The following SRGAP3 variants were observed in gnomAD, a reference collection of about 807,000 sequenced individuals.
SRGAP3 encodes SLIT-ROBO Rho GTPase activating protein 3.
SRGAP3 carries 39 observed loss-of-function variants against 121.1 expected under a neutral mutation model. The observed-to-expected ratio is 0.32, with a 90% CI of 0.25 to 0.42. The LOEUF (loss-of-function observed/expected upper bound fraction) is 0.42, where lower values mean the gene tolerates loss of function less well. SRGAP3 is among the 10% of genes least tolerant of loss of function. SRGAP3 has a pLI of 1.00. For missense variants in SRGAP3, 1,213 were observed against 1,470.6 expected, an observed-to-expected ratio of 0.82 and a Z score of 2.86; for synonymous variants, 601 against 570.0, an observed-to-expected ratio of 1.05 and a Z score of -0.77.
chr3:9,050,622 T>A (rs1945519393), intron 9 of SRGAP3, among the ~76,000 whole-genome samples: 1 of 152,238 alleles, frequency 6.6e-6, no homozygotes, highest in African/African-American at 2.4e-5. Context: ...AACTATAACA[T>A]CTGATGACCA....
chr3:9,173,125 C>T (rs1951048443), intron 1 of SRGAP3, among the ~76,000 whole-genome samples: 1 of 152,176 alleles, frequency 6.6e-6, no homozygotes, highest in South Asian at 2.1e-4. Context: ...GGTATGGCCA[C>T]ATCTGGCCCA....
chr3:9,335,265 G>A (rs1337034165), intron 1 of SRGAP3, among the ~76,000 whole-genome samples: 1 of 152,208 alleles, frequency 6.6e-6, no homozygotes, highest in African/African-American at 2.4e-5. Context: ...TTGCCATGTA[G>A]GAAATTGGGC....
At chr3:9,096,944 T>C (rs1046337341) in intron 3 of SRGAP3, among the ~76,000 whole-genome samples, 1 of 44,734 alleles carries the variant, frequency 2.2e-5, no homozygotes, top group African/African-American at 1.1e-4. Flanking sequence ...TTTGTATATA[T>C]ATATATATAT....
intron 3 of SRGAP3, among the ~76,000 whole-genome samples, chr3:9,289,177 G>T (rs1162184758): frequency 6.6e-6 from 1 of 152,230 alleles, no homozygotes; most frequent in Non-Finnish European, 1.5e-5. Context: ...GGGATTACAG[G>T]CGTGAGCCAG....
intron 18 of SRGAP3, among the ~76,000 whole-genome samples, chr3:9,006,523 A>C (rs986218223): frequency 7.2e-5 from 11 of 152,152 alleles, no homozygotes; most frequent in African/African-American, 2.4e-4. Flanking sequence ...AACGACATGG[A>C]TGAATCTCAG....
At chr3:9,171,986 T>C (rs1378647224) in intron 1 of SRGAP3, among the ~76,000 whole-genome samples, 3 of 152,112 alleles carry the variant, frequency 2.0e-5, no homozygotes, top group Non-Finnish European at 4.4e-5. Context: ...TATCTCTGGA[T>C]TCATGCTCCC....
At chr3:9,048,934 C>A (rs1485169607) in intron 9 of SRGAP3, among the ~76,000 whole-genome samples, 1 of 152,142 alleles carries the variant, frequency 6.6e-6, no homozygotes, top group African/African-American at 2.4e-5. Flanking sequence ...AGAAAGGGGG[C>A]CACATGGGGA....
chr3:9,294,538 C>A (rs1200201821), intron 3 of SRGAP3, among the ~76,000 whole-genome samples: 2 of 84,102 alleles, frequency 2.4e-5, no homozygotes, highest in Non-Finnish European at 6.6e-5. Context: ...AGTAAAAAAA[C>A]AAACAAACAA....
intron 12 of SRGAP3, chr3:9,028,260 T>TC (rs1944310148): frequency 1.6e-6 from 2 of 1,286,296 alleles, no homozygotes; most frequent in Non-Finnish European, 2.2e-6. Flanking sequence ...CCAGCCAAGG[T>TC]CCTGGGGAGC....
At chr3:9,064,672 T>C (rs1453252205) in intron 4 of SRGAP3, 91 bp from the exon 5 acceptor site, 2 of 1,492,326 alleles carry the variant, frequency 1.3e-6, no homozygotes, top group African/African-American at 2.8e-5. Flanking sequence ...AGTTCTACAC[T>C]CTAGCTGGCC....
At chr3:9,353,918 T>C (rs1399295163) in intron 1 of SRGAP3, among the ~76,000 whole-genome samples, 1 of 151,962 alleles carries the variant, frequency 6.6e-6, no homozygotes, top group Admixed American at 6.6e-5. Context: ...TTTAACAAAA[T>C]AGATTGGGGA....
At chr3:9,346,938 T>A (rs1462471127) in intron 1 of SRGAP3, among the ~76,000 whole-genome samples, 1 of 151,958 alleles carries the variant, frequency 6.6e-6, no homozygotes, top group Non-Finnish European at 1.5e-5. Context: ...GTATTTTTAG[T>A]AGAGATGGGG....
rs1408395135 is a variant in SRGAP3 at position 8,985,314 on chromosome 3, T to A, written c.*205A>T. 2.6e-6 allele frequency: 3 copies of A among 1,165,908 alleles called. No homozygotes were observed. In the East Asian group the frequency reaches 8.4e-5, roughly 33 times the overall value. The allele number at this position is 1,165,908 out of a possible 1,614,324, so 72.2% of individuals were successfully genotyped here. A position where few individuals can be genotyped will look rare whatever the true frequency, so the allele number is the denominator to read the frequency against. On this transcript the variant is annotated 3_prime_UTR_variant, in exon 22 of 22. Transcript: ENST00000383836. This position sits in a 1 kb window ranked among gnomAD's most constrained non-coding sequence, Gnocchi z 5.1. ...CTCCAGCACTCCTCTGGTCGTCTGT[T>A]GACACGCGAGAGGTCCGTGGGATTC...
At chr3:9,011,476 C>CTA (rs1338382300) in intron 17 of SRGAP3, among the ~76,000 whole-genome samples, 8 of 152,222 alleles carry the variant, frequency 5.3e-5, no homozygotes, top group Admixed American at 5.2e-4. Context: ...GTCACACATG[C>CTA]TATGCTCTGA....
chr3:9,094,745 T>C (rs989721814), intron 3 of SRGAP3, among the ~76,000 whole-genome samples: 6 of 152,262 alleles, frequency 3.9e-5, no homozygotes, highest in African/African-American at 1.2e-4. Context: ...TCACTGACCA[T>C]TGAAGTTTCA....
intron 3 of SRGAP3, among the ~76,000 whole-genome samples, chr3:9,265,038 G>A (rs1372947681): frequency 2.0e-5 from 3 of 152,088 alleles, no homozygotes; most frequent in Admixed American, 6.5e-5. Context: ...ATAGACCAAT[G>A]GAACAGAACA....
intron 1 of SRGAP3, among the ~76,000 whole-genome samples, chr3:9,189,828 G>A (rs1375481944): frequency 6.6e-6 from 1 of 152,178 alleles, no homozygotes; most frequent in African/African-American, 2.4e-5. Context: ...GCATCACAGA[G>A]TAAATTGATA....
chr3:9,044,182 G>A (rs1221227251), intron 10 of SRGAP3, among the ~76,000 whole-genome samples: 2 of 152,200 alleles, frequency 1.3e-5, no homozygotes, highest in Non-Finnish European at 2.9e-5. Flanking sequence ...CATCTAACTT[G>A]TAGTTTCCTT....
intron 3 of SRGAP3, 31 bp downstream of exon 3, chr3:9,104,649 C>G (rs1948347220): frequency 6.2e-7 from 1 of 1,613,424 alleles, no homozygotes; most frequent in African/African-American, 1.3e-5. Context: ...GGGCAAAGAC[C>G]TGGGACACGT....
Sources: allele counts gnomAD v4.1 joint callset (sites outside exome capture counted in the v4.1 genomes callset), GRCh38; gene constraint gnomAD v4.1.1; non-coding constraint Gnocchi (gnomAD v3.1); transcripts MANE v1.5; gene names NCBI Gene and HGNC (gene_info 2026-07-23, HGNC 2026-07-21).